Variants in AGBL3 observed in about 807,000 individuals in gnomAD.
AGBL3 encodes the protein AGBL carboxypeptidase 3, also known as cytosolic carboxypeptidase 3.
Under a neutral mutation model 94.5 loss-of-function variants are expected in AGBL3, and 68 were observed. The observed-to-expected ratio is 0.72, with a 90% confidence interval of 0.59 to 0.88. The LOEUF is 0.88. AGBL3 is among the 40% of genes least tolerant of loss of function. AGBL3 has a pLI of 0.00. For synonymous variants in AGBL3, 354 were observed against 370.7 expected, an observed-to-expected ratio of 0.95 and a Z score of 0.52; for missense variants, 934 against 1,103.8, an observed-to-expected ratio of 0.85 and a Z score of 2.18.
chr7:134,996,219 G>C (rs1810990836), intron 4 of AGBL3, among the ~76,000 whole-genome samples: 1 of 152,080 alleles, frequency 6.6e-6, no homozygotes, highest in Admixed American at 6.6e-5. Flanking sequence ...CACATAGACT[G>C]CCTGTCTTCA....
At chr7:135,000,779 A>C (rs1183990567) in intron 4 of AGBL3, among the ~76,000 whole-genome samples, 1 of 152,172 alleles carries the variant, frequency 6.6e-6, no homozygotes, top group Non-Finnish European at 1.5e-5. Context: ...CATCCGAACA[A>C]TTTCTGGTCC....
chr7:135,066,914 A>G (rs530626920), intron 12 of AGBL3, among the ~76,000 whole-genome samples: 101 of 152,350 alleles, frequency 6.6e-4, no homozygotes, highest in African/African-American at 2.4e-3. Flanking sequence ...CAGTGCACCG[A>G]GCATGAGCCG....
At chr7:135,055,697 C>G (rs183437228) in intron 11 of AGBL3, among the ~76,000 whole-genome samples, 1 of 152,076 alleles carries the variant, frequency 6.6e-6, no homozygotes, top group African/African-American at 2.4e-5. Flanking sequence ...CACCTGTGTT[C>G]ATAAGACATA....
chr7:135,061,561 T>G (rs1818842103), intron 12 of AGBL3, among the ~76,000 whole-genome samples: 1 of 152,278 alleles, frequency 6.6e-6, no homozygotes, highest in African/African-American at 2.4e-5. Context: ...TAGTTGATTT[T>G]TGTACATAGT....
intron 15 of AGBL3, among the ~76,000 whole-genome samples, chr7:135,113,741 T>C (rs909796385): frequency 3.3e-5 from 5 of 152,302 alleles, no homozygotes; most frequent in Admixed American, 6.5e-5. Context: ...TACAGTCGCA[T>C]TGTGGTGCAA....
chr7:135,001,858 G>C (rs1213371121), intron 4 of AGBL3, among the ~76,000 whole-genome samples: 1 of 152,142 alleles, frequency 6.6e-6, no homozygotes, highest in Non-Finnish European at 1.5e-5. Flanking sequence ...TGTATGTTTA[G>C]CTTGTTTCTT....
intron 4 of AGBL3, among the ~76,000 whole-genome samples, chr7:135,014,046 AT>A (rs1365441667): frequency 6.6e-6 from 1 of 151,888 alleles, no homozygotes; most frequent in East Asian, 1.9e-4. Context: ...ATACAAAAAA[AT>A]TAGCTGGGCA....
intron 9 of AGBL3, 129 bp downstream of exon 9, chr7:135,044,280 C>G (rs1817143044): frequency 2.2e-6 from 2 of 913,440 alleles, no homozygotes; most frequent in African/African-American, 1.7e-5. Flanking sequence ...TTAATCAATT[C>G]TATAAACAGG....
intron 5 of AGBL3, among the ~76,000 whole-genome samples, chr7:135,024,480 G>A (rs1235162977): frequency 6.6e-6 from 1 of 152,162 alleles, no homozygotes. Context: ...AAAACACCCA[G>A]AAATGAAGCC....
chr7:134,999,705 A>G (rs1428166914), intron 4 of AGBL3, among the ~76,000 whole-genome samples: 1 of 152,180 alleles, frequency 6.6e-6, no homozygotes, highest in Non-Finnish European at 1.5e-5. Flanking sequence ...TCACCCATCT[A>G]TTTGACCATA....
At chr7:135,017,010 T>A (rs955379460) in intron 4 of AGBL3, 42 bp from the exon 5 acceptor site, 1 of 1,280,782 alleles carries the variant, frequency 7.8e-7, no homozygotes, top group Non-Finnish European at 1.1e-6. Context: ...TTCTGTTTTA[T>A]TTTGAAGTCA....
intron 16 of AGBL3, among the ~76,000 whole-genome samples, chr7:135,118,862 C>A (rs6467573): frequency 0.93 from 141,677 of 152,188 alleles, 66,709 homozygotes; most frequent in Non-Finnish European, 1. Flanking sequence ...TGAAAAATAC[C>A]ACTGAAATTT....
intron 12 of AGBL3, among the ~76,000 whole-genome samples, chr7:135,070,990 C>T (rs1819854644): frequency 6.6e-6 from 1 of 151,968 alleles, no homozygotes; most frequent in South Asian, 2.1e-4. Flanking sequence ...TTGTCTCAGC[C>T]CAAAATCTCC....
At chr7:135,057,054 A>G (rs891261557) in intron 11 of AGBL3, among the ~76,000 whole-genome samples, 1 of 152,138 alleles carries the variant, frequency 6.6e-6, no homozygotes, top group Non-Finnish European at 1.5e-5. Context: ...AATAAAACAA[A>G]ATAGAGAACC....
Position 134,986,554 on chromosome 7 carries a change from C to G in AGBL3, c.-207C>G, listed in dbSNP as rs1344185771. The G allele has an allele frequency of 6.6e-6, 1 of 152,300 alleles. No individual in the cohort carries two copies. The highest frequency in any genetic ancestry group is 2.4e-5 in the African/African-American group (1 of 41,414). 9.4% of individuals were successfully genotyped at this position (152,300 alleles called of 1,614,324 possible). On this transcript the variant is annotated 5_prime_UTR_variant, in exon 1 of 17. Coordinates refer to ENST00000436302, the MANE Select transcript of AGBL3 (RefSeq NM_178563.4). Reference sequence around the variant, plus strand: ...GGAGTGTGGCTGGGGCTGCGGATCTCCAGCAGTGGCGTTACTTCTAGCGGC... The same window carrying G: ...GGAGTGTGGCTGGGGCTGCGGATCTGCAGCAGTGGCGTTACTTCTAGCGGC...
At position 135,037,558 on chromosome 7, in the gene AGBL3, T is replaced by C. The variant is rs1816433026; in HGVS notation, c.1478T>C (p.Leu493Pro). The C allele has an allele frequency of 1.3e-6, 2 of 1,539,174 alleles. No homozygotes were observed. Among genetic ancestry groups the C allele is most frequent in the African/African-American group, 1.4e-5 (1 of 72,192 alleles). The change falls in exon 8 of 17, where the codon CTA becomes CCA. Residue 493 changes from leucine (L) to proline (P), a missense_variant. Around this residue, in one of 3 missense-constraint regions of AGBL3, gnomAD observed 441 missense variants for 518.2 expected, o/e 0.85. Transcript: ENST00000436302. ...YLQQRIFPLM[L>P]SKNCPDKFSF... ...CAGCAACGAATCTTCCCACTTATGC[T>C]AAGCAAAAATTGTCCAGATAAAGTA...
intron 4 of AGBL3, among the ~76,000 whole-genome samples, chr7:135,006,018 T>A (rs984748343): frequency 6.6e-6 from 1 of 151,830 alleles, no homozygotes; most frequent in Non-Finnish European, 1.5e-5. Context: ...AAAATCTTTA[T>A]GATCTAGAGC....
intron 4 of AGBL3, among the ~76,000 whole-genome samples, chr7:135,013,327 CTT>C (rs1215308887): frequency 6.6e-6 from 1 of 152,088 alleles, no homozygotes; most frequent in Admixed American, 6.5e-5. Flanking sequence ...TGCATAATCA[CTT>C]TGTAAAAAGG....
intron 11 of AGBL3, among the ~76,000 whole-genome samples, chr7:135,052,061 G>T (rs572715725): frequency 6.6e-6 from 1 of 152,036 alleles, no homozygotes; most frequent in South Asian, 2.1e-4. Context: ...ATATAACAGG[G>T]AACATTCAAA....
Sources: allele counts gnomAD v4.1 joint callset (sites outside exome capture counted in the v4.1 genomes callset), GRCh38; gene constraint gnomAD v4.1.1; regional missense constraint gnomAD v4.1.1; transcripts MANE v1.5; gene names NCBI Gene and HGNC (gene_info 2026-07-23, HGNC 2026-07-21).